The following DNAAF9 variants were observed in gnomAD, a reference collection of about 807,000 sequenced individuals.
The protein encoded by DNAAF9 is dynein axonemal assembly factor 9.
Under a neutral mutation model 167.0 loss-of-function variants are expected in DNAAF9, and 90 were observed. The observed-to-expected ratio is 0.54, with a 90% CI of 0.45 to 0.64. The LOEUF (loss-of-function observed/expected upper bound fraction) is 0.64, where lower values mean the gene tolerates loss of function less well. Among genes scored for constraint, DNAAF9 ranks in the 30% least tolerant of loss-of-function variants. DNAAF9 has a pLI of 0.00. For missense variants in DNAAF9, 1,315 were observed against 1,442.2 expected, an observed-to-expected ratio of 0.91 and a Z score of 1.43; for synonymous variants, 491 against 508.8, an observed-to-expected ratio of 0.96 and a Z score of 0.47.
intron 29 of DNAAF9, among the ~76,000 whole-genome samples, chr20:3,271,227 A>G (rs2068586967): frequency 6.6e-6 from 1 of 152,200 alleles, no homozygotes; most frequent in East Asian, 1.9e-4. Flanking sequence ...TACCTTCACC[A>G]GTTCAGAACA....
chr20:3,324,743 C>G (rs1193643655), intron 14 of DNAAF9, 149 bp downstream of exon 14: 40 of 617,916 alleles, frequency 6.5e-5, no homozygotes, highest in Non-Finnish European at 8.9e-5. Flanking sequence ...TAAGTGAAGG[C>G]TGAATCATGA....
intron 31 of DNAAF9, among the ~76,000 whole-genome samples, chr20:3,261,234 A>C (rs1277755989): frequency 1.3e-5 from 2 of 148,334 alleles, no homozygotes; most frequent in African/African-American, 2.5e-5. Flanking sequence ...ACAAGGTCTC[A>C]CTATGCTGCC....
intron 1 of DNAAF9, among the ~76,000 whole-genome samples, chr20:3,407,030 T>TG (rs1443545186): frequency 2.0e-5 from 3 of 152,134 alleles, no homozygotes; most frequent in African/African-American, 7.2e-5. Context: ...ATTGTGTGTG[T>TG]GGAGGTGTGA....
rs577674147 is a variant in DNAAF9 at position 3,287,769 on chromosome 20, G to A, written c.2349C>T (p.Ile783=). 2.5e-6 allele frequency: 4 copies of A among 1,614,212 alleles called. No homozygotes were observed. The highest frequency in any genetic ancestry group is 1.7e-5 in the Admixed American group (1 of 60,028). ...CATGAAAACATTCAGAGCTGTCCAT[G>A]ATTTGGCGATACACCATCCATCTGG... ...ECGRWMVYRQ[I]MDSSECFHAA... Residue 783 remains isoleucine, a synonymous_variant, in exon 27 of 37, where the codon ATC becomes ATT. Coordinates refer to ENST00000252032, the MANE Select transcript of DNAAF9 (RefSeq NM_001009984.3).
chr20:3,281,925 A>G (rs565259082), intron 27 of DNAAF9, among the ~76,000 whole-genome samples, 159 bp from the exon 28 acceptor site: 1 of 152,342 alleles, frequency 6.6e-6, no homozygotes, highest in East Asian at 1.9e-4. Flanking sequence ...CATGACATGC[A>G]GCCCCTGGAA....
intron 29 of DNAAF9, among the ~76,000 whole-genome samples, chr20:3,278,200 T>A (rs998549499): frequency 6.6e-6 from 1 of 152,120 alleles, no homozygotes; most frequent in African/African-American, 2.4e-5. Context: ...TTTTTCTCAA[T>A]GTTATCAAGG....
Position 3,279,313 on chromosome 20 carries a change from C to T in DNAAF9, c.2613-364G>A, listed in dbSNP as rs117067959. Among the ~76,000 whole-genome samples the T allele has an allele frequency of 1.8e-3, 277 of 152,336 alleles. 6 individuals are homozygous for T. The East Asian group carries it at 0.041, about 23-fold the overall frequency. On this transcript the variant is annotated intron_variant, in intron 28 of 36. Transcript: ENST00000252032. ...AAGGGAAAATAAGAATTACACTCATCTAACTCTACCAGGGGCCTTTAATAC... is the reference window on the plus strand; with the variant it reads ...AAGGGAAAATAAGAATTACACTCATTTAACTCTACCAGGGGCCTTTAATAC...
At position 3,249,450 on chromosome 20, in the gene DNAAF9, T is replaced by C. The variant is rs1164663596; in HGVS notation, c.*3122A>G. ...TATATATTTACTGAATTAAGTAGTG[T>C]AATAAATACTATGATAAGCAAAAAG... On this transcript the variant is annotated 3_prime_UTR_variant, in exon 37 of 37. Coordinates refer to ENST00000252032, the MANE Select transcript of DNAAF9 (RefSeq NM_001009984.3). 1 of 152,266 alleles carries C rather than the reference T, an allele frequency of 6.6e-6. No homozygotes were observed. Among genetic ancestry groups the C allele is most frequent in the African/African-American group, 2.4e-5 (1 of 41,472 alleles). 9.4% of individuals were successfully genotyped at this position (152,266 alleles called of 1,614,324 possible). A position where few individuals can be genotyped will look rare whatever the true frequency, so the allele number is the denominator to read the frequency against.
Position 3,324,966 on chromosome 20 carries a change from G to A in DNAAF9, c.1191C>T (p.Ala397=). The change falls in exon 14 of 37, where the codon GCC becomes GCT. Residue 397 remains alanine, a splice_region_variant and synonymous_variant. Coordinates refer to ENST00000252032, the MANE Select transcript of DNAAF9 (RefSeq NM_001009984.3). ...CCAGAGTTTGCTCTGCTACCTCCTT[G>A]GCCTGTAAAATAATAAGACAGCGAC... The part of the protein sequence containing the change: ...CYAKTSSLTK[A]KEVAEQTLGS... 6.3e-7 allele frequency: 1 copy of A among 1,585,700 alleles called. No homozygotes were observed. Among genetic ancestry groups the A allele is most frequent in the Non-Finnish European group, 8.7e-7 (1 of 1,154,106 alleles).
intron 20 of DNAAF9, among the ~76,000 whole-genome samples, chr20:3,314,586 G>C (rs1472890575): frequency 6.6e-6 from 1 of 152,160 alleles, no homozygotes; most frequent in East Asian, 1.9e-4. Context: ...GCCTAGCCTG[G>C]CTGATGCCTT....
At chr20:3,360,409 G>A (rs943197429) in intron 6 of DNAAF9, among the ~76,000 whole-genome samples, 4 of 152,164 alleles carry the variant, frequency 2.6e-5, no homozygotes, top group Admixed American at 1.3e-4. Context: ...GAGCCACTGT[G>A]CCTGGCCCCC....
At chr20:3,407,127 G>A (rs1054196461) in intron 1 of DNAAF9, among the ~76,000 whole-genome samples, 1 of 152,136 alleles carries the variant, frequency 6.6e-6, no homozygotes, top group African/African-American at 2.4e-5. Context: ...GGGGTTCTGT[G>A]TAGAAGAATC....
At chr20:3,318,538 A>G in intron 16 of DNAAF9, 138 bp from the exon 17 acceptor site, 1 of 569,452 alleles carries the variant, frequency 1.8e-6, no homozygotes, top group South Asian at 2.3e-5. Context: ...AACTGGAGTT[A>G]TCCTAAATAC....
intron 25 of DNAAF9, among the ~76,000 whole-genome samples, chr20:3,291,425 C>A (rs2068951720): frequency 6.6e-6 from 1 of 150,592 alleles, no homozygotes; most frequent in Non-Finnish European, 1.5e-5. Flanking sequence ...CTCACTGCAA[C>A]CTCCACCTCC....
rs770198577 is a variant in DNAAF9, at chr20:3,350,121, TCAGACACACAGACACACAGACACA to T, written c.691-1522_691-1499del. Reference sequence around the variant, plus strand: ...CATTGTCTACTTGCTGCCCAGACTATCAGACACACAGACACACAGACACACAGACACACAGACACACACACACAC... The same window carrying T: ...CATTGTCTACTTGCTGCCCAGACTATCAGACACACAGACACACACACACAC... On this transcript the variant is annotated intron_variant, in intron 7 of 36. Transcript: ENST00000252032. Among the ~76,000 whole-genome samples, 61 of 147,684 alleles carry T rather than the reference TCAGACACACAGACACACAGACACA, an allele frequency of 4.1e-4. 1 individual carries two copies. The highest frequency in any genetic ancestry group is 1.3e-3 in the African/African-American group (52 of 40,082).
At position 3,294,512 on chromosome 20, in the gene DNAAF9, C is replaced by T; in HGVS notation, c.2120+16G>A. On this transcript the variant is annotated intron_variant, in intron 24 of 36. Coordinates refer to ENST00000252032, the MANE Select transcript of DNAAF9 (RefSeq NM_001009984.3). ...AGCCAGAATATTAAACATCTATAAACAGAACCAGAGCTTACCAGTCCAGCT... is the reference window on the plus strand; with the variant it reads ...AGCCAGAATATTAAACATCTATAAATAGAACCAGAGCTTACCAGTCCAGCT... 6.5e-7 allele frequency: 1 copy of T among 1,543,898 alleles called. No homozygotes were observed. The highest frequency in any genetic ancestry group is 9.0e-7 in the Non-Finnish European group (1 of 1,116,474).
intron 27 of DNAAF9, among the ~76,000 whole-genome samples, chr20:3,282,446 C>T (rs1459825909): frequency 6.6e-6 from 1 of 152,200 alleles, no homozygotes; most frequent in African/African-American, 2.4e-5. Flanking sequence ...CTTAGATCAC[C>T]CCAACAGCCT....
At chr20:3,392,447 G>T (rs181716656) in intron 1 of DNAAF9, among the ~76,000 whole-genome samples, 1 of 152,338 alleles carries the variant, frequency 6.6e-6, no homozygotes, top group Non-Finnish European at 1.5e-5. Flanking sequence ...GAGCTAAATA[G>T]ATGTAGTTTG....
chr20:3,266,157 T>C (rs2068486702), intron 30 of DNAAF9, among the ~76,000 whole-genome samples: 1 of 152,236 alleles, frequency 6.6e-6, no homozygotes, highest in Non-Finnish European at 1.5e-5. Context: ...TTGAGATTAA[T>C]ACCCAGGTGG....
Sources: allele counts gnomAD v4.1 joint callset (sites outside exome capture counted in the v4.1 genomes callset), GRCh38; gene constraint gnomAD v4.1.1; transcripts MANE v1.5; gene names NCBI Gene and HGNC (gene_info 2026-07-23, HGNC 2026-07-21).